The following TBX5 variants were observed in gnomAD, a reference collection of about 807,000 sequenced individuals.
TBX5 encodes the protein T-box transcription factor TBX5.
Under a neutral mutation model 51.1 loss-of-function variants are expected in TBX5, and 8 were observed. The observed-to-expected ratio is 0.16, with a 90% CI of 0.09 to 0.28. The LOEUF (loss-of-function observed/expected upper bound fraction) is 0.28. TBX5 is among the 10% of genes least tolerant of loss of function. The pLI, the probability that TBX5 is intolerant of heterozygous loss-of-function variation, is 1.00. For missense variants in TBX5, 589 were observed against 671.7 expected (o/e 0.88, Z 1.36); for synonymous variants, 302 against 266.4 (o/e 1.13, Z -1.30).
At chr12:114,369,046 A>T (rs376127800) in intron 7 of TBX5, among the ~76,000 whole-genome samples, 6 of 152,320 alleles carry the variant, frequency 3.9e-5, no homozygotes, top group African/African-American at 1.2e-4. Context: ...TTATAATAAC[A>T]ATAAAACATT....
intron 8 of TBX5, among the ~76,000 whole-genome samples, chr12:114,359,736 T>C (rs1869129632): frequency 6.6e-6 from 1 of 152,214 alleles, no homozygotes; most frequent in African/African-American, 2.4e-5. Context: ...ACAGCTCCAA[T>C]GCTCGCTCGC....
Position 114,356,026 on chromosome 12 carries a change from G to A in TBX5, c.1063C>T (p.Arg355Cys), listed in dbSNP as rs372827955. Reference protein sequence around the residue: ...TSPSEEDSFYRSSYPQQQGLG... With the variant: ...TSPSEEDSFYCSSYPQQQGLG... ...CCCTGCTGCTGTGGATAGCTAGAGC[G>A]GTAGAAGGAATCTTCTTCACTGGGT... is the stretch of plus-strand genomic sequence containing the variant. The change falls in exon 9 of 9, where the codon CGC becomes TGC. Residue 355 changes from arginine to cysteine, a missense_variant. By Grantham distance (180) the Arg-to-Cys change is radical. Coordinates refer to ENST00000405440, the MANE Select transcript of TBX5 (RefSeq NM_181486.4). 39 of 1,613,996 alleles carry A rather than the reference G, an allele frequency of 2.4e-5. No homozygotes were observed. In the East Asian group the frequency reaches 2.5e-4, roughly 10 times the overall value.
intron 3 of TBX5, 70 bp from the exon 4 acceptor site, chr12:114,399,702 C>T (rs1871679006): frequency 6.2e-7 from 1 of 1,610,800 alleles, no homozygotes; most frequent in Admixed American, 1.7e-5. Context: ...AGCCTCCATC[C>T]ATTTTAAGGG....
At chr12:114,394,688 G>A in intron 6 of TBX5, 53 bp downstream of exon 6, 1 of 1,612,230 alleles carries the variant, frequency 6.2e-7, no homozygotes. Context: ...GCAGATTCAT[G>A]CAAAAGAAAG....
chr12:114,408,005 A>G (rs1258158656), upstream of TBX5: 2 of 985,330 alleles, frequency 2.0e-6, no homozygotes, highest in African/African-American at 3.5e-5. Flanking sequence ...GACAAATTAA[A>G]TATTACTGTT....
At chr12:114,372,836 G>T (rs1246636155) in intron 7 of TBX5, among the ~76,000 whole-genome samples, 1 of 151,964 alleles carries the variant, frequency 6.6e-6, no homozygotes, top group Non-Finnish European at 1.5e-5. Context: ...ATCCAGGCAC[G>T]AACTAGACCA....
intron 7 of TBX5, among the ~76,000 whole-genome samples, chr12:114,385,192 GA>G (rs1870742374): frequency 6.6e-6 from 1 of 151,940 alleles, no homozygotes; most frequent in African/African-American, 2.4e-5. Flanking sequence ...AGCAGAGAAA[GA>G]AGAGAAAGCT....
intron 7 of TBX5, among the ~76,000 whole-genome samples, chr12:114,380,510 A>G (rs1261319980): frequency 4.6e-5 from 7 of 152,122 alleles, no homozygotes; most frequent in Non-Finnish European, 1.0e-4. Flanking sequence ...ACTCAGTCTC[A>G]TTCTGAGCAA....
In TBX5 at chr12:114,355,525, C is replaced by T; in HGVS notation, c.*7G>A. 1 of 1,614,014 alleles carries T rather than the reference C, an allele frequency of 6.2e-7. No individual in the cohort carries two copies. The highest frequency in any genetic ancestry group is 8.5e-7 in the Non-Finnish European group (1 of 1,180,006). On this transcript the variant is annotated 3_prime_UTR_variant, in exon 9 of 9. Transcript: ENST00000405440. Reference sequence around the variant, plus strand: ...TAGGAAATGTCTGTTGTGAAGCAGGCCTCACTTTAGCTATTGTCGCTCCAC... The same window carrying T: ...TAGGAAATGTCTGTTGTGAAGCAGGTCTCACTTTAGCTATTGTCGCTCCAC...
chr12:114,368,026 C>T (rs1010429774), intron 7 of TBX5, among the ~76,000 whole-genome samples: 3 of 152,176 alleles, frequency 2.0e-5, no homozygotes, highest in Non-Finnish European at 4.4e-5. Flanking sequence ...AAATCCCAAA[C>T]TTCAGTCAGA....
upstream of TBX5, chr12:114,407,838 G>A (rs1433365031): frequency 2.0e-5 from 20 of 985,286 alleles, no homozygotes; most frequent in Non-Finnish European, 2.2e-5. Context: ...CCTCTTCTTT[G>A]GAGCGCAAAA....
At chr12:114,386,453 GA>G (rs1410971300) in intron 6 of TBX5, among the ~76,000 whole-genome samples, 29 of 152,308 alleles carry the variant, frequency 1.9e-4, no homozygotes, top group African/African-American at 7.0e-4. Context: ...TTATAGACAT[GA>G]GAGCAGCATG....
upstream of TBX5, among the ~76,000 whole-genome samples, chr12:114,406,838 T>G (rs1317007593): frequency 3.3e-5 from 5 of 150,732 alleles, no homozygotes; most frequent in Non-Finnish European, 1.5e-5. Context: ...GCCCTTTCCC[T>G]CTCTGAGATG....
intron 8 of TBX5, among the ~76,000 whole-genome samples, chr12:114,361,952 C>CA (rs1302132876): frequency 6.6e-6 from 1 of 152,054 alleles, no homozygotes; most frequent in Non-Finnish European, 1.5e-5. Context: ...GTGCATACCC[C>CA]ATTCACCCTG....
intron 7 of TBX5, among the ~76,000 whole-genome samples, chr12:114,369,253 G>A (rs1869723856): frequency 6.6e-6 from 1 of 152,108 alleles, no homozygotes; most frequent in African/African-American, 2.4e-5. Context: ...TGTATCAATG[G>A]ACTCCGTGGA....
chr12:114,355,165 A>G lies in TBX5; in HGVS notation c.*367T>C, dbSNP rs1868803998. The G allele has an allele frequency of 2.7e-6, 1 of 369,170 alleles. No individual in the cohort carries two copies. Among genetic ancestry groups the G allele is most frequent in the African/African-American group, 2.1e-5 (1 of 47,526 alleles). 22.9% of individuals were successfully genotyped at this position (369,170 alleles called of 1,614,324 possible). On this transcript the variant is annotated 3_prime_UTR_variant, in exon 9 of 9. Transcript: ENST00000405440. ...AGACAGGGACAGACTCCAACTACGCACTAGGGAAAAACACTCAATGAGGCA... is the reference window on the plus strand; with the variant it reads ...AGACAGGGACAGACTCCAACTACGCGCTAGGGAAAAACACTCAATGAGGCA...
Position 114,355,627 on chromosome 12 carries a change from G to A in TBX5, c.1462C>T (p.Leu488Phe). 1.9e-6 allele frequency: 3 copies of A among 1,614,176 alleles called. No homozygotes were observed. The highest frequency in any genetic ancestry group is 1.7e-6 in the Non-Finnish European group (2 of 1,180,036). Residue 488 changes from leucine to phenylalanine, a missense_variant, in exon 9 of 9, where the codon CTC becomes TTC. Leu to Phe is a conservative substitution (Grantham distance 22). Around this residue, in one of 7 missense-constraint regions of TBX5, gnomAD observed 348 missense variants for 360.4 expected, o/e 0.97. Coordinates refer to ENST00000405440, the MANE Select transcript of TBX5 (RefSeq NM_181486.4). ...GTCCTTGGCACGCCATGAGAGTAGAGGAACTCAGGGGGCTGAAGGGTGCCA... is the reference window on the plus strand; with the variant it reads ...GTCCTTGGCACGCCATGAGAGTAGAAGAACTCAGGGGGCTGAAGGGTGCCA... ...SPGTLQPPEF[L>F]YSHGVPRTLS...
At chr12:114,407,117 C>G (rs550688212), upstream of TBX5, 3 of 985,150 alleles carry the variant, frequency 3.0e-6, no homozygotes, top group Admixed American at 1.8e-4. Context: ...AGCTGTGTAA[C>G]CCTCTGTGAC....
intron 8 of TBX5, among the ~76,000 whole-genome samples, chr12:114,365,829 C>CAAAAAAAAAA (rs56315440): frequency 3.2e-5 from 4 of 124,650 alleles, no homozygotes; most frequent in South Asian, 2.8e-4. Context: ...GATCCTGTCT[C>CAAAAAAAAAA]AAAAAAAAAA....
Sources: gnomAD v4.1 joint callset for allele counts (sites outside exome capture counted in the v4.1 genomes callset) on GRCh38, gnomAD v4.1.1 for gene constraint, gnomAD v4.1.1 regional missense constraint, MANE v1.5 for transcripts, NCBI Gene and HGNC (gene_info 2026-07-23, HGNC 2026-07-21) for gene names.